The following ST8SIA1 variants were observed in gnomAD, a reference collection of about 807,000 sequenced individuals.
ST8SIA1 encodes ST8 alpha-N-acetyl-neuraminide alpha-2,8-sialyltransferase 1.
A neutral mutation model predicts 35.9 loss-of-function variants in ST8SIA1; 16 were observed. The ratio of observed to expected loss-of-function variants is 0.45; its 90% CI spans 0.30 to 0.68. The LOEUF (loss-of-function observed/expected upper bound fraction) is 0.68, where lower values mean the gene tolerates loss of function less well. Ranked by LOEUF, ST8SIA1 falls within the 30% of genes least tolerant of loss-of-function variation. ST8SIA1 has a pLI of 0.09. For synonymous variants in ST8SIA1, 170 were observed against 169.6 expected, an observed-to-expected ratio of 1.00 and a Z score of -0.02; for missense variants, 383 against 453.6, an observed-to-expected ratio of 0.84 and a Z score of 1.41.
At chr12:22,229,053 C>CT (rs1865387392) in intron 4 of ST8SIA1, among the ~76,000 whole-genome samples, 2 of 29,770 alleles carry the variant, frequency 6.7e-5, no homozygotes, top group African/African-American at 1.1e-4. Flanking sequence ...GACTCCATCT[C>CT]CAAAAAAAAA....
At chr12:22,322,040 T>C (rs995189472) in intron 1 of ST8SIA1, among the ~76,000 whole-genome samples, 4 of 152,222 alleles carry the variant, frequency 2.6e-5, no homozygotes, top group Non-Finnish European at 5.9e-5. Context: ...ACATGTTGCA[T>C]AGGTTAGCAA....
intron 2 of ST8SIA1, among the ~76,000 whole-genome samples, chr12:22,275,379 A>T (rs1865957066): frequency 6.6e-6 from 1 of 152,090 alleles, no homozygotes; most frequent in Admixed American, 6.5e-5. Context: ...ACATGGTGAA[A>T]CCCCATCTCT....
At chr12:22,243,506 T>G (rs1264797393) in intron 4 of ST8SIA1, among the ~76,000 whole-genome samples, 1 of 152,228 alleles carries the variant, frequency 6.6e-6, no homozygotes, top group Non-Finnish European at 1.5e-5. Flanking sequence ...TACAAGTGTT[T>G]GCACTTTGTT....
chr12:22,278,228 T>C (rs1440174654), intron 2 of ST8SIA1, among the ~76,000 whole-genome samples: 2 of 152,254 alleles, frequency 1.3e-5, no homozygotes, highest in African/African-American at 2.4e-5. Flanking sequence ...CTAACCTTGA[T>C]GTTATTTTGT....
chr12:22,321,711 G>A (rs1386946416), intron 1 of ST8SIA1, among the ~76,000 whole-genome samples: 1 of 152,228 alleles, frequency 6.6e-6, no homozygotes, highest in African/African-American at 2.4e-5. Flanking sequence ...GAGGTCAGGA[G>A]GTAGATTTCA....
intron 2 of ST8SIA1, among the ~76,000 whole-genome samples, chr12:22,259,196 A>C (rs1294015721): frequency 6.6e-6 from 1 of 152,138 alleles, no homozygotes; most frequent in African/African-American, 2.4e-5. Flanking sequence ...CTACCTTAAC[A>C]ATTAGTAATA....
chr12:22,240,885 G>A lies in ST8SIA1; in HGVS notation c.584+8121C>T, dbSNP rs141199439. Among the ~76,000 whole-genome samples the A allele has an allele frequency of 5.7e-3, 855 of 151,234 alleles. 6 individuals are homozygous for A. Among genetic ancestry groups the A allele is most frequent in the African/African-American group, 0.019 (795 of 41,210 alleles). On this transcript the variant is annotated intron_variant, in intron 4 of 4. Coordinates refer to ENST00000396037, the MANE Select transcript of ST8SIA1 (RefSeq NM_003034.4). The stretch of plus-strand genomic sequence containing the variant: ...ATCAAGTCCCCTTATTGAATTAAAA[G>A]TTATGCATTTACAAATTTTAAAAGT...
At chr12:22,204,402 C>A (rs908861436) in intron 4 of ST8SIA1, among the ~76,000 whole-genome samples, 5 of 152,192 alleles carry the variant, frequency 3.3e-5, no homozygotes, top group African/African-American at 9.7e-5. Context: ...CATACCGTTC[C>A]CAGTGCTACA....
chr12:22,283,205 G>A (rs994383364), intron 2 of ST8SIA1, among the ~76,000 whole-genome samples: 1 of 152,110 alleles, frequency 6.6e-6, no homozygotes, highest in Non-Finnish European at 1.5e-5. Flanking sequence ...CTGGGTGAAC[G>A]TGCTGAGGAG....
intron 2 of ST8SIA1, among the ~76,000 whole-genome samples, chr12:22,268,327 C>G (rs977033725): frequency 2.8e-4 from 43 of 152,220 alleles, no homozygotes; most frequent in Admixed American, 1.2e-3. Context: ...ACCAGAGGTG[C>G]AAAATGAAAT....
intron 4 of ST8SIA1, among the ~76,000 whole-genome samples, chr12:22,213,082 G>A (rs1043777072): frequency 3.9e-5 from 6 of 152,088 alleles, no homozygotes; most frequent in African/African-American, 7.2e-5. Context: ...CACAGGTCCT[G>A]TTACCCACCC....
intron 1 of ST8SIA1, among the ~76,000 whole-genome samples, chr12:22,317,737 C>T (rs1866538550): frequency 6.6e-6 from 1 of 152,126 alleles, no homozygotes; most frequent in African/African-American, 2.4e-5. Flanking sequence ...TCCATAGTAT[C>T]CTATTCTATT....
At chr12:22,332,260 T>C (rs971406110) in intron 1 of ST8SIA1, among the ~76,000 whole-genome samples, 4 of 152,232 alleles carry the variant, frequency 2.6e-5, no homozygotes, top group Admixed American at 6.5e-5. Context: ...CCAAACACAC[T>C]GAAAATTACT....
Position 22,225,619 on chromosome 12 carries a change from T to C in ST8SIA1, c.584+23387A>G, listed in dbSNP as rs184471058. Among the ~76,000 whole-genome samples the C allele has an allele frequency of 5.6e-3, 847 of 152,264 alleles. 5 individuals carry two copies. Among genetic ancestry groups the C allele is most frequent in the African/African-American group, 0.019 (789 of 41,550 alleles). On this transcript the variant is annotated intron_variant, in intron 4 of 4. Coordinates refer to ENST00000396037, the MANE Select transcript of ST8SIA1 (RefSeq NM_003034.4). The stretch of plus-strand genomic sequence containing the variant: ...GCTCAATAGCCACCAACGTACAAAC[T>C]TATGGTTATATAACTAAACACTTTT...
intron 4 of ST8SIA1, among the ~76,000 whole-genome samples, chr12:22,210,820 A>C (rs1338004593): frequency 6.6e-6 from 1 of 152,226 alleles, no homozygotes; most frequent in Admixed American, 6.5e-5. Context: ...GTGAACTGTA[A>C]CTTAACAGGA....
chr12:22,300,386 C>T (rs1866303776), intron 1 of ST8SIA1, among the ~76,000 whole-genome samples: 1 of 152,116 alleles, frequency 6.6e-6, no homozygotes, highest in Admixed American at 6.6e-5. Flanking sequence ...GAAATAAGTT[C>T]AATTCCTCAG....
rs547317559 is a variant in ST8SIA1 at position 22,331,197 on chromosome 12, TC to T, written c.236+2799del. On this transcript the variant is annotated intron_variant, in intron 1 of 4. Transcript: ENST00000396037. ...GGTGTTTATAAACATAGTGAAACACTCCCTTTTCTCTTCACAGAATTTAACC... is the reference window on the plus strand; with the variant it reads ...GGTGTTTATAAACATAGTGAAACACTCCTTTTCTCTTCACAGAATTTAACC... Among the ~76,000 whole-genome samples, 823 of 152,258 alleles carry T rather than the reference TC, an allele frequency of 5.4e-3. 6 individuals are homozygous for T. The highest frequency in any genetic ancestry group is 0.019 in the African/African-American group (787 of 41,548).
chr12:22,211,487 C>G (rs1476578338), intron 4 of ST8SIA1, among the ~76,000 whole-genome samples: 4 of 152,198 alleles, frequency 2.6e-5, no homozygotes, highest in Admixed American at 2.6e-4. Flanking sequence ...CAAAATACAT[C>G]ACCTTGTGGA....
chr12:22,323,072 A>G (rs571638277), intron 1 of ST8SIA1, among the ~76,000 whole-genome samples: 1 of 152,220 alleles, frequency 6.6e-6, no homozygotes, highest in Non-Finnish European at 1.5e-5. Context: ...TATCAGCTGT[A>G]CTGTAATGGA....
Sources: allele counts gnomAD v4.1 joint callset (sites outside exome capture counted in the v4.1 genomes callset), GRCh38; gene constraint gnomAD v4.1.1; transcripts MANE v1.5; gene names NCBI Gene and HGNC (gene_info 2026-07-23, HGNC 2026-07-21).